The following FOCAD variants were observed in gnomAD, a reference collection of about 807,000 sequenced individuals.
FOCAD encodes KIAA1797.
FOCAD carries 198 observed loss-of-function variants against 225.6 expected under a neutral mutation model. The observed-to-expected ratio is 0.88, with a 90% confidence interval of 0.78 to 0.99. The LOEUF is 0.99. Ranked by LOEUF, FOCAD falls within the 50% of genes least tolerant of loss-of-function variation. The probability of loss-of-function intolerance (pLI) is 0.00; values close to 1 mark genes in which losing one functional copy is unlikely to be tolerated. For synonymous variants in FOCAD, 897 were observed against 755.0 expected, an observed-to-expected ratio of 1.19 and a Z score of -3.08; for missense variants, 2,713 against 2,123.6, an observed-to-expected ratio of 1.28 and a Z score of -5.46.
chr9:20,811,297 A>T (rs1390767783), intron 11 of FOCAD, among the ~76,000 whole-genome samples: 1 of 152,066 alleles, frequency 6.6e-6, no homozygotes, highest in Admixed American at 6.6e-5. Context: ...GAAATTCAGT[A>T]CAAGCTTCAG....
At chr9:20,828,180 G>A (rs1825107894) in intron 15 of FOCAD, among the ~76,000 whole-genome samples, 2 of 150,886 alleles carry the variant, frequency 1.3e-5, no homozygotes, top group African/African-American at 2.4e-5. Context: ...GAGAGAAAAA[G>A]TAGATTTTAA....
chr9:20,711,612 C>CGA (rs1483827975), intron 1 of FOCAD, among the ~76,000 whole-genome samples: 7 of 152,072 alleles, frequency 4.6e-5, no homozygotes, highest in African/African-American at 1.7e-4. Flanking sequence ...AGAAGGAAGC[C>CGA]GATTTTGTGG....
At chr9:20,795,516 T>A (rs948756222) in intron 11 of FOCAD, among the ~76,000 whole-genome samples, 3 of 152,158 alleles carry the variant, frequency 2.0e-5, no homozygotes, top group Admixed American at 2.0e-4. Context: ...CCGGGCACGC[T>A]GGCTCATGCC....
intron 10 of FOCAD, among the ~76,000 whole-genome samples, chr9:20,786,534 A>G (rs1819940665): frequency 6.6e-6 from 1 of 152,134 alleles, no homozygotes; most frequent in African/African-American, 2.4e-5. Flanking sequence ...TCTAGCAAAA[A>G]TCTATCTTAC....
At chr9:20,704,972 A>G (rs1587275637) in intron 1 of FOCAD, among the ~76,000 whole-genome samples, 1 of 152,172 alleles carries the variant, frequency 6.6e-6, no homozygotes, top group Non-Finnish European at 1.5e-5. Flanking sequence ...CTTTGTGCAT[A>G]TATACTCTGG....
chr9:20,846,044 G>C (rs1287223131), intron 15 of FOCAD, among the ~76,000 whole-genome samples: 1 of 152,062 alleles, frequency 6.6e-6, no homozygotes, highest in African/African-American at 2.4e-5. Flanking sequence ...GTTGCAAGGA[G>C]GAGTGCTCAG....
chr9:20,702,261 C>A (rs1824018723), intron 1 of FOCAD, among the ~76,000 whole-genome samples: 1 of 152,030 alleles, frequency 6.6e-6, no homozygotes, highest in Admixed American at 6.6e-5. Flanking sequence ...TACCACCATG[C>A]CCAGCTAATT....
chr9:20,749,949 G>A (rs1362746372), intron 5 of FOCAD, among the ~76,000 whole-genome samples: 1 of 152,058 alleles, frequency 6.6e-6, no homozygotes, highest in Non-Finnish European at 1.5e-5. Flanking sequence ...TAGTCTGGGG[G>A]AACCATGCAT....
intron 2 of FOCAD, among the ~76,000 whole-genome samples, chr9:20,669,091 G>A (rs1038528550): frequency 6.6e-6 from 1 of 152,122 alleles, no homozygotes; most frequent in Non-Finnish European, 1.5e-5. Context: ...TTAATTCCCT[G>A]GTTTCTTCCT....
At chr9:20,793,122 C>T (rs1486187392) in intron 11 of FOCAD, among the ~76,000 whole-genome samples, 1 of 152,116 alleles carries the variant, frequency 6.6e-6, no homozygotes, top group East Asian at 1.9e-4. Flanking sequence ...CCAGAATGTA[C>T]AGTACTTTTA....
chr9:20,942,790 A>G (rs1407297290), intron 28 of FOCAD, among the ~76,000 whole-genome samples: 2 of 152,210 alleles, frequency 1.3e-5, no homozygotes, highest in African/African-American at 4.8e-5. Flanking sequence ...GGGAAGAGAT[A>G]ATAATCAACC....
rs750616734 is a variant in FOCAD at position 20,715,367 on chromosome 9, T to C, written c.14T>C (p.Ile5Thr). The C allele has an allele frequency of 1.3e-6, 2 of 1,529,032 alleles. No individual in the cohort carries two copies. The highest frequency in any genetic ancestry group is 1.8e-6 in the Non-Finnish European group (2 of 1,132,072). 94.7% of individuals were successfully genotyped at this position (1,529,032 alleles called of 1,614,324 possible). Residue 5 changes from isoleucine to threonine, a missense_variant, in exon 2 of 44, where the codon ATC becomes ACC. Transcript: ENST00000338382. ...AGAGAAGCAAAAATGTCAGATGATA[T>C]CAGGAAAAGGTTTGAATTTCCAAAT... is the stretch of plus-strand genomic sequence containing the variant. MSDD[I>T]RKRFEFPNSL...
chr9:20,778,500 G>A (rs1273442349), intron 8 of FOCAD, among the ~76,000 whole-genome samples, 181 bp from the exon 9 acceptor site: 7 of 152,182 alleles, frequency 4.6e-5, no homozygotes, highest in African/African-American at 1.2e-4. Context: ...CGTTACAGGC[G>A]TGAGCTGCCA....
At position 20,764,924 on chromosome 9, in the gene FOCAD, G is replaced by T; in HGVS notation, c.550G>T (p.Glu184Ter). 3.1e-6 allele frequency: 5 copies of T among 1,614,074 alleles called. No homozygotes were observed. Among genetic ancestry groups the T allele is most frequent in the Non-Finnish European group, 4.2e-6 (5 of 1,179,996 alleles). ...ACCATTTCTGTGGTATCTGTATTGT[G>T]AACCATCTCAGTTACAAGAATATGC... is the stretch of plus-strand genomic sequence containing the variant. ...MAPFLWYLYC[E>*]PSQLQEYAKL... is the part of the protein sequence containing the mutation. Residue 184 changes from glutamate to a stop codon, truncating the protein, a stop_gained, in exon 7 of 44, where the codon GAA becomes TAA. Transcript: ENST00000338382. LOFTEE classifies it high-confidence loss of function.
intron 35 of FOCAD, among the ~76,000 whole-genome samples, chr9:20,961,586 G>C (rs1490333963): frequency 6.6e-6 from 1 of 152,080 alleles, no homozygotes; most frequent in Non-Finnish European, 1.5e-5. Flanking sequence ...ATATGTTCTT[G>C]TTCTCTCTCA....
intron 6 of FOCAD, among the ~76,000 whole-genome samples, chr9:20,763,397 A>G (rs1239696132): frequency 6.6e-6 from 1 of 152,174 alleles, no homozygotes. Flanking sequence ...TCAAGGCTGA[A>G]GTGCACTATT....
At chr9:20,668,169 G>C (rs978694359) in intron 2 of FOCAD, among the ~76,000 whole-genome samples, 1 of 152,140 alleles carries the variant, frequency 6.6e-6, no homozygotes, top group African/African-American at 2.4e-5. Flanking sequence ...GTGTGAAATT[G>C]TAATGACAAA....
intron 17 of FOCAD, 102 bp from the exon 18 acceptor site, chr9:20,866,827 A>C: frequency 1.5e-6 from 1 of 649,808 alleles, no homozygotes; most frequent in Non-Finnish European, 2.5e-6. Flanking sequence ...TTGGTGAGGG[A>C]AGGTTTCTTT....
chr9:20,727,259 T>G (rs565809740), intron 4 of FOCAD, among the ~76,000 whole-genome samples: 21 of 152,246 alleles, frequency 1.4e-4, no homozygotes, highest in African/African-American at 5.1e-4. Flanking sequence ...CCAGCCACTT[T>G]TCTGATCTAG....
Sources: gnomAD v4.1 joint callset for allele counts (sites outside exome capture counted in the v4.1 genomes callset) on GRCh38, gnomAD v4.1.1 for gene constraint, MANE v1.5 for transcripts, NCBI Gene and HGNC (gene_info 2026-07-23, HGNC 2026-07-21) for gene names.